The following FLNB variants were observed in gnomAD, a reference collection of about 807,000 sequenced individuals.
FLNB encodes filamin B, also known as filamin-B.
FLNB carries 111 observed loss-of-function variants against 250.6 expected under a neutral mutation model. That is an observed-to-expected ratio of 0.44 (90% CI 0.38 to 0.52). The LOEUF (loss-of-function observed/expected upper bound fraction) is 0.52. FLNB is among the 20% of genes least tolerant of loss of function. The pLI is 0.00. For missense variants in FLNB, 2,869 were observed against 3,447.8 expected (o/e 0.83, Z 4.20); for synonymous variants, 1,302 against 1,372.1 (o/e 0.95, Z 1.13).
intron 1 of FLNB, among the ~76,000 whole-genome samples, chr3:58,060,552 C>T (rs1330240262): frequency 1.3e-5 from 2 of 151,506 alleles, no homozygotes; most frequent in Non-Finnish European, 2.9e-5. Context: ...GGGGTTTTGT[C>T]ATGTTGGCCA....
rs1399286940 is a variant in FLNB at position 58,112,374 on chromosome 3, A to C, written c.2745+56A>C. ...CCCCCAGCCAGGCCCCTTTCTATGC[A>C]GTCGGTGCTGGGTCACTGTGGACAC... On this transcript the variant is annotated intron_variant, in intron 18 of 45. Transcript: ENST00000295956. 4.5e-6 allele frequency: 7 copies of C among 1,558,562 alleles called. No individual in the cohort carries two copies. In the East Asian group the frequency reaches 1.6e-4, roughly 35 times the overall value.
chr3:58,077,219 T>C lies in FLNB; in HGVS notation c.466T>C (p.Leu156=). The change falls in exon 2 of 46, where the codon TTG becomes CTG. Residue 156 remains leucine (L), a synonymous_variant. Coordinates refer to ENST00000295956, the MANE Select transcript of FLNB (RefSeq NM_001457.4). ...GTGGATTCAGAACAAGATCCCCTAC[T>C]TGCCCATCACCAACTTTAACCAGAA... ...LGWIQNKIPY[L]PITNFNQNWQ... The C allele has an allele frequency of 6.2e-7, 1 of 1,614,198 alleles. No individual in the cohort carries two copies. The highest frequency in any genetic ancestry group is 1.3e-5 in the African/African-American group (1 of 75,044).
chr3:58,100,966 C>T (rs1292907413), intron 8 of FLNB, among the ~76,000 whole-genome samples: 1 of 151,934 alleles, frequency 6.6e-6, no homozygotes. Flanking sequence ...AACCCCTGGA[C>T]TCAAGCAATC....
intron 6 of FLNB, among the ~76,000 whole-genome samples, chr3:58,097,357 T>C (rs1206015367): frequency 6.6e-6 from 1 of 152,158 alleles, no homozygotes; most frequent in African/African-American, 2.4e-5. Context: ...ATGAGAACAG[T>C]GACTCAAGTT....
At chr3:58,080,835 C>T (rs2097208182) in intron 3 of FLNB, among the ~76,000 whole-genome samples, 1 of 141,986 alleles carries the variant, frequency 7.0e-6, no homozygotes, top group Admixed American at 7.1e-5. Flanking sequence ...CCTCTGTTAC[C>T]CAGGCTGGAG....
intron 1 of FLNB, among the ~76,000 whole-genome samples, chr3:58,033,032 G>GA (rs1380853384): frequency 6.6e-6 from 1 of 152,126 alleles, no homozygotes; most frequent in African/African-American, 2.4e-5. Flanking sequence ...GAGATTGCAT[G>GA]ACTGCACTCC....
intron 1 of FLNB, among the ~76,000 whole-genome samples, chr3:58,051,956 G>A (rs562410266): frequency 2.6e-5 from 4 of 152,070 alleles, no homozygotes; most frequent in South Asian, 2.1e-4. Flanking sequence ...GCACGATCTC[G>A]GCTCACTGCA....
Position 58,083,263 on chromosome 3 carries a change from A to T in FLNB, c.787+1487A>T, listed in dbSNP as rs552726930. 4.9e-5 allele frequency among the ~76,000 whole-genome samples: 7 copies of T among 144,326 alleles called. No individual in the cohort carries two copies. The East Asian group carries it at 1.2e-3, about 25-fold the overall frequency. 94.7% of individuals were successfully genotyped at this position (144,326 alleles called of 152,430 possible). ...ACTTTTTTTTTTTTTTTTTTAAATG[A>T]CACTGACTTTCTGAATAGTTAAGGG... On this transcript the variant is annotated intron_variant, in intron 4 of 45. Coordinates refer to ENST00000295956, the MANE Select transcript of FLNB (RefSeq NM_001457.4).
At chr3:58,118,653 TG>T (rs949785600) in intron 18 of FLNB, among the ~76,000 whole-genome samples, 8 of 152,252 alleles carry the variant, frequency 5.3e-5, no homozygotes, top group African/African-American at 1.9e-4. Context: ...CTCATTAAGT[TG>T]CTTCTGTTAT....
chr3:58,100,385 T>TATATATATATATATATATATA (rs71091344), intron 8 of FLNB, among the ~76,000 whole-genome samples: 17 of 128,076 alleles, frequency 1.3e-4, no homozygotes, highest in South Asian at 2.5e-4. Context: ...TATATATATA[T>TATATATATATATATATATATA]TTGCAGGGGC....
intron 1 of FLNB, among the ~76,000 whole-genome samples, chr3:58,026,264 G>C (rs1447189315): frequency 6.6e-6 from 1 of 152,172 alleles, no homozygotes; most frequent in African/African-American, 2.4e-5. Flanking sequence ...TCAACCTGGA[G>C]TAAAGGGTGG....
intron 38 of FLNB, among the ~76,000 whole-genome samples, chr3:58,151,552 C>T (rs571085067): frequency 3.6e-4 from 55 of 152,280 alleles, no homozygotes; most frequent in African/African-American, 1.1e-3. Flanking sequence ...CTCATAGCCA[C>T]GTCTGCTCAC....
At chr3:58,056,101 A>ATTTATTTT (rs1553687178) in intron 1 of FLNB, among the ~76,000 whole-genome samples, 4 of 131,142 alleles carry the variant, frequency 3.1e-5, no homozygotes, top group African/African-American at 1.6e-4. Flanking sequence ...TTATTTATTT[A>ATTTATTTT]TTTATTTTTT....
intron 4 of FLNB, among the ~76,000 whole-genome samples, chr3:58,082,759 C>T (rs1331222324): frequency 2.1e-5 from 3 of 140,098 alleles, no homozygotes; most frequent in Non-Finnish European, 4.5e-5. Flanking sequence ...TGACAGAGTG[C>T]GTGAGCCTCC....
chr3:58,063,137 C>G (rs1576655183), intron 1 of FLNB, among the ~76,000 whole-genome samples: 1 of 152,174 alleles, frequency 6.6e-6, no homozygotes, highest in East Asian at 1.9e-4. Flanking sequence ...GGAGGTGAAC[C>G]AGGCTTCTCT....
chr3:58,143,450 C>T (rs1272947058), intron 31 of FLNB, 23 bp from the exon 32 acceptor site: 2 of 1,613,818 alleles, frequency 1.2e-6, no homozygotes, highest in African/African-American at 1.3e-5. Context: ...GGCTTCATTG[C>T]CCCGTCTCTC....
At chr3:58,137,419 C>T (rs1002906110) in intron 28 of FLNB, among the ~76,000 whole-genome samples, 4 of 152,238 alleles carry the variant, frequency 2.6e-5, no homozygotes, top group African/African-American at 9.6e-5. Flanking sequence ...ATTTCCTCCC[C>T]CAGCTTGGGC....
At chr3:58,131,007 C>A in intron 25 of FLNB, 99 bp downstream of exon 25, 1 of 1,163,368 alleles carries the variant, frequency 8.6e-7, no homozygotes, top group Non-Finnish European at 1.2e-6. Flanking sequence ...TGCTCATGAG[C>A]TTAAAATTAA....
chr3:58,078,036 TTTAG>T (rs1185954889), intron 2 of FLNB, among the ~76,000 whole-genome samples: 1 of 152,216 alleles, frequency 6.6e-6, no homozygotes, highest in Non-Finnish European at 1.5e-5. Context: ...CACATTAGTA[TTTAG>T]TTAGTTAGTG....
Sources: gnomAD v4.1 joint callset for allele counts (sites outside exome capture counted in the v4.1 genomes callset) on GRCh38, gnomAD v4.1.1 for gene constraint, MANE v1.5 for transcripts, NCBI Gene and HGNC (gene_info 2026-07-23, HGNC 2026-07-21) for gene names.